The following UBE2V1 variants were observed in gnomAD, a reference collection of about 807,000 sequenced individuals.
UBE2V1 encodes the protein ubiquitin-conjugating enzyme E2 variant 1.
UBE2V1 carries 15 observed loss-of-function variants against 19.6 expected under a neutral mutation model. The ratio of observed to expected loss-of-function variants is 0.77; its 90% CI spans 0.51 to 1.18. The LOEUF is 1.18. Ranked by LOEUF, UBE2V1 falls within the 50% of genes most tolerant of loss-of-function variation. The pLI is 0.00. For synonymous variants in UBE2V1, 60 were observed against 60.7 expected (o/e 0.99, Z 0.05); for missense variants, 125 against 184.8 (o/e 0.68, Z 1.88).
intron 2 of UBE2V1, among the ~76,000 whole-genome samples, chr20:50,090,949 G>A (rs1369717180): frequency 6.6e-6 from 1 of 152,092 alleles, no homozygotes; most frequent in East Asian, 1.9e-4. Flanking sequence ...CAATAAAGCT[G>A]GGAAAAAAAT....
At position 50,081,907 on chromosome 20, in the gene UBE2V1, G is replaced by C. The variant is rs1313200964; in HGVS notation, c.*861C>G. The C allele has an allele frequency of 3.8e-6, 1 of 261,516 alleles. No individual in the cohort carries two copies. Among genetic ancestry groups the C allele is most frequent in the Non-Finnish European group, 7.2e-6 (1 of 138,902 alleles). 16.2% of individuals were successfully genotyped at this position (261,516 alleles called of 1,614,324 possible). A position where few individuals can be genotyped will look rare whatever the true frequency, so the allele number is the denominator to read the frequency against. On this transcript the variant is annotated 3_prime_UTR_variant, in exon 4 of 4. Coordinates refer to ENST00000371674, the MANE Select transcript of UBE2V1 (RefSeq NM_001032288.3). ...CTGAGGACCCAATATTCATTTCCCA[G>C]GCTGGTGGAGAGTGAGTGAGTATGG...
At chr20:50,096,273 G>T (rs111492130) in intron 2 of UBE2V1, 61 of 284,754 alleles carry the variant, frequency 2.1e-4, no homozygotes, top group Non-Finnish European at 3.4e-4. Flanking sequence ...CGGCAGACCT[G>T]GGAGACAGTG....
In UBE2V1 at chr20:50,107,394, C is replaced by T. The variant is rs118171264; in HGVS notation, c.22+5713G>A. 5.6e-3 allele frequency among the ~76,000 whole-genome samples: 847 copies of T among 152,262 alleles called. 6 individuals are homozygous for T. Among genetic ancestry groups the T allele is most frequent in the Admixed American group, 9.2e-3 (140 of 15,296 alleles). On this transcript the variant is annotated intron_variant, in intron 1 of 3. Coordinates refer to ENST00000371674, the MANE Select transcript of UBE2V1 (RefSeq NM_001032288.3). ...AAGCTGTCATTCTTTACAGTCCAGC[C>T]ACGTGACAACAGCTAGTGACAGAAT... is the stretch of plus-strand genomic sequence containing the variant.
At chr20:50,097,964 C>G (rs1173463389) in intron 1 of UBE2V1, among the ~76,000 whole-genome samples, 1 of 152,114 alleles carries the variant, frequency 6.6e-6, no homozygotes, top group Non-Finnish European at 1.5e-5. Flanking sequence ...CACTGAAGAA[C>G]AAGCAGTGAA....
At chr20:50,083,011 A>G in intron 3 of UBE2V1, 97 bp from the exon 4 acceptor site, 5 of 1,539,394 alleles carry the variant, frequency 3.2e-6, no homozygotes, top group Non-Finnish European at 4.3e-6. Context: ...AGTAAGATGT[A>G]CTTTTTAAGC....
At chr20:50,112,853 G>A (rs2080853869) in intron 1 of UBE2V1, among the ~76,000 whole-genome samples, 1 of 152,114 alleles carries the variant, frequency 6.6e-6, no homozygotes, top group Admixed American at 6.5e-5. Context: ...AGACAGCACA[G>A]AGGGCCCTCA....
At chr20:50,092,075 A>G (rs1348770037) in intron 2 of UBE2V1, among the ~76,000 whole-genome samples, 1 of 152,122 alleles carries the variant, frequency 6.6e-6, no homozygotes, top group Non-Finnish European at 1.5e-5. Flanking sequence ...TAATCCCAGC[A>G]CTTTGAGAGA....
rs976404142 is a variant in UBE2V1, at chr20:50,082,200, G to C, written c.*568C>G. ...GCCAAGGGCGGGAGTGGAGGAGCGT[G>C]GGGACAGGATGATGGTTTGGAAGGG... On this transcript the variant is annotated 3_prime_UTR_variant, in exon 4 of 4. Coordinates refer to ENST00000371674, the MANE Select transcript of UBE2V1 (RefSeq NM_001032288.3). 5.7e-5 allele frequency: 9 copies of C among 156,676 alleles called. No individual in the cohort carries two copies. Among genetic ancestry groups the C allele is most frequent in the African/African-American group, 2.2e-4 (9 of 41,632 alleles). 9.7% of individuals were successfully genotyped at this position (156,676 alleles called of 1,614,324 possible).
chr20:50,109,373 G>A (rs557856669), intron 1 of UBE2V1, among the ~76,000 whole-genome samples: 7 of 152,028 alleles, frequency 4.6e-5, no homozygotes, highest in South Asian at 2.1e-4. Context: ...AGAGAATGTG[G>A]TGGGGGAAAT....
At chr20:50,090,201 T>C (rs1467437349) in intron 2 of UBE2V1, among the ~76,000 whole-genome samples, 1 of 152,210 alleles carries the variant, frequency 6.6e-6, no homozygotes, top group East Asian at 1.9e-4. Flanking sequence ...TTGCCTAGTA[T>C]TGGGTATCAA....
upstream of UBE2V1, among the ~76,000 whole-genome samples, chr20:50,113,954 A>G (rs1406729638): frequency 1.3e-5 from 2 of 152,276 alleles, no homozygotes; most frequent in East Asian, 3.9e-4. Context: ...TAAACAGGAA[A>G]CTATAATTCT....
upstream of UBE2V1, among the ~76,000 whole-genome samples, chr20:50,114,589 T>C (rs1384319343): frequency 6.6e-6 from 1 of 152,118 alleles, no homozygotes; most frequent in Non-Finnish European, 1.5e-5. Context: ...GGACTTATTA[T>C]AATCTCACCA....
rs192930600 is a variant in UBE2V1, at chr20:50,093,371, A to T, written c.171+3301T>A. On this transcript the variant is annotated intron_variant, in intron 2 of 3. Coordinates refer to ENST00000371674, the MANE Select transcript of UBE2V1 (RefSeq NM_001032288.3). ...AGTGCTCTATTTAGATGCTTTAATA[A>T]TTATGTGGATATTCGAGTTACACAG... 5.5e-4 allele frequency among the ~76,000 whole-genome samples: 84 copies of T among 152,350 alleles called. 1 individual carries two copies. Among genetic ancestry groups the T allele is most frequent in the South Asian group, 4.1e-4 (2 of 4,828 alleles).
In UBE2V1 at chr20:50,084,036, C is replaced by T. The variant is rs749057231; in HGVS notation, c.297+93G>A. ...AGTTTATCAACAAATAACCAAAGAACCTAGGAATTGGGCCCAGTCTAAAAG... is the reference window on the plus strand; with the variant it reads ...AGTTTATCAACAAATAACCAAAGAATCTAGGAATTGGGCCCAGTCTAAAAG... On this transcript the variant is annotated intron_variant, in intron 3 of 3. Transcript: ENST00000371674. 6 of 1,505,740 alleles carry T rather than the reference C, an allele frequency of 4.0e-6. No homozygotes were observed. The South Asian group carries it at 4.1e-5, about 10-fold the overall frequency. 93.3% of individuals were successfully genotyped at this position (1,505,740 alleles called of 1,614,324 possible).
intron 1 of UBE2V1, among the ~76,000 whole-genome samples, chr20:50,104,655 CAAAAAA>C (rs113771532): frequency 2.8e-5 from 2 of 71,618 alleles, no homozygotes. Context: ...GACTCTGGCA[CAAAAAA>C]AAAAAAAAAA....
intron 2 of UBE2V1, among the ~76,000 whole-genome samples, chr20:50,093,715 G>A (rs1159148633): frequency 6.6e-6 from 1 of 151,900 alleles, no homozygotes; most frequent in Non-Finnish European, 1.5e-5. Context: ...TCTCCGGCAG[G>A]GCGCGATGGC....
chr20:50,113,159 C>G (rs775134324), upstream of UBE2V1: 4 of 1,318,954 alleles, frequency 3.0e-6, no homozygotes, highest in Non-Finnish European at 2.9e-6. Flanking sequence ...AGGCCGGCCC[C>G]TTCTTCACCC....
upstream of UBE2V1, chr20:50,115,580 T>G (rs773007361): frequency 6.5e-7 from 1 of 1,535,412 alleles, no homozygotes. Flanking sequence ...TGGCATCAGT[T>G]TCCCCTTCTA....
intron 2 of UBE2V1, chr20:50,095,254 G>A (rs1398704771): frequency 5.3e-5 from 8 of 152,186 alleles, no homozygotes; most frequent in Non-Finnish European, 1.5e-5. Flanking sequence ...TTCTTAGGAA[G>A]AGAAGACATG....
Sources: gnomAD v4.1 joint callset for allele counts (sites outside exome capture counted in the v4.1 genomes callset) on GRCh38, gnomAD v4.1.1 for gene constraint, MANE v1.5 for transcripts, NCBI Gene and HGNC (gene_info 2026-07-23, HGNC 2026-07-21) for gene names.